Variants in SPEG observed in about 807,000 individuals in gnomAD.
SPEG encodes the protein striated muscle enriched protein kinase, also known as striated muscle preferentially expressed protein kinase.
SPEG carries 114 observed loss-of-function variants against 300.4 expected under a neutral mutation model. The observed-to-expected ratio is 0.38, with a 90% confidence interval of 0.33 to 0.44. The LOEUF is 0.44. SPEG is among the 20% of genes least tolerant of loss of function. The pLI is 1.00. For missense variants in SPEG, 4,201 were observed against 4,586.2 expected (o/e 0.92, Z 2.43); for synonymous variants, 1,964 against 2,018.9 (o/e 0.97, Z 0.73).
At chr2:219,442,050 C>T in intron 1 of SPEG, 4 of 1,183,878 alleles carry the variant, frequency 3.4e-6, no homozygotes, top group Non-Finnish European at 4.2e-6. Flanking sequence ...CCTCCCCCGC[C>T]ATGAAGAAGC....
rs1693699040 is a variant in SPEG at position 219,488,908 on chromosome 2, T to A, written c.8149+8T>A. 1.9e-6 allele frequency: 3 copies of A among 1,583,100 alleles called. No individual in the cohort carries two copies. Among genetic ancestry groups the A allele is most frequent in the Non-Finnish European group, 2.6e-6 (3 of 1,164,612 alleles). On this transcript the variant is annotated splice_region_variant and intron_variant, in intron 34 of 40. Transcript: ENST00000312358. ...TGGAGCGGCGAGTGGATGGTGAGGATGGGGCAGCTGGAGGGTTGGGGGAGC... is the reference window on the plus strand; with the variant it reads ...TGGAGCGGCGAGTGGATGGTGAGGAAGGGGCAGCTGGAGGGTTGGGGGAGC...
Position 219,448,072 on chromosome 2 carries a change from A to G in SPEG, c.914A>G (p.Lys305Arg), listed in dbSNP as rs751031254. The change falls in exon 4 of 41, where the codon AAA becomes AGA. Residue 305 changes from lysine (K) to arginine (R), a missense_variant. Transcript: ENST00000312358. ...PRRPAQPPPS[K>R]SALLPPPSPR... The stretch of plus-strand genomic sequence containing the variant: ...CGCCCTGCCCAGCCGCCTCCTTCCA[A>G]ATCCGCGCTGCTCCCCCCACCGTCC... 1.9e-6 allele frequency: 3 copies of G among 1,609,478 alleles called. No homozygotes were observed. The highest frequency in any genetic ancestry group is 1.1e-5 in the South Asian group (1 of 90,686).
intron 3 of SPEG, among the ~76,000 whole-genome samples, chr2:219,447,299 C>T (rs1449210343): frequency 6.6e-6 from 1 of 151,992 alleles, no homozygotes; most frequent in Admixed American, 6.6e-5. Flanking sequence ...AAAGGCCTAT[C>T]GGGGGGCAGA....
In SPEG at chr2:219,467,439, C is replaced by T; in HGVS notation, c.3142+5C>T. On this transcript the variant is annotated splice_donor_5th_base_variant and intron_variant, in intron 10 of 40. Coordinates refer to ENST00000312358, the MANE Select transcript of SPEG (RefSeq NM_005876.5). ...GCAAGCTCAGCACGGCCAAAGGTAA[C>T]TCCCCACTCAGGCATTGGGCTGCCG... 1.3e-6 allele frequency: 2 copies of T among 1,593,958 alleles called. No individual in the cohort carries two copies. The highest frequency in any genetic ancestry group is 1.7e-6 in the Non-Finnish European group (2 of 1,167,154).
At position 219,473,005 on chromosome 2, in the gene SPEG, G is replaced by T. The variant is rs1354231922; in HGVS notation, c.4056G>T (p.Gly1352=). The change falls in exon 16 of 41, where the codon GGG becomes GGT. Residue 1352 remains glycine (G), a synonymous_variant. Coordinates refer to ENST00000312358, the MANE Select transcript of SPEG (RefSeq NM_005876.5). The surrounding 1 kb of genome is among the most constrained non-coding windows in gnomAD (Gnocchi z 4.6). ...GGGCAGCCACAGGGCTGCGTAAGGG[G>T]GTCCAGCACATCTTCCGGGTCCTCA... The part of the protein sequence containing the change: ...PGWAATGLRK[G]VQHIFRVLST... 2.5e-6 allele frequency: 4 copies of T among 1,613,890 alleles called. No individual in the cohort carries two copies. Among genetic ancestry groups the T allele is most frequent in the Non-Finnish European group, 3.4e-6 (4 of 1,180,034 alleles).
intron 18 of SPEG, among the ~76,000 whole-genome samples, chr2:219,475,209 C>T (rs1335623213): frequency 6.6e-6 from 1 of 152,150 alleles, no homozygotes; most frequent in African/African-American, 2.4e-5. Context: ...TATGTAACCG[C>T]CACTCAGAAC....
rs750570080 is a variant in SPEG at position 219,479,911 on chromosome 2, A to C, written c.5163+51A>C. ...AGCCCCTGTGGGAGCCAGGAGGTGA[A>C]GCATCCTTCCTTGTTCATTTGGCCC... is the stretch of plus-strand genomic sequence containing the variant. On this transcript the variant is annotated intron_variant, in intron 24 of 40. Coordinates refer to ENST00000312358, the MANE Select transcript of SPEG (RefSeq NM_005876.5). The surrounding 1 kb of genome is among the most constrained non-coding windows in gnomAD (Gnocchi z 5.5). 1.8e-5 allele frequency: 29 copies of C among 1,613,954 alleles called. No individual in the cohort carries two copies. The East Asian group carries it at 5.1e-4, about 29-fold the overall frequency.
intron 6 of SPEG, chr2:219,460,492 G>A (rs1690572325): frequency 1.0e-6 from 1 of 985,458 alleles, no homozygotes; most frequent in Admixed American, 6.1e-5. Context: ...GCACAGCGCA[G>A]TGCCACCCCT....
chr2:219,461,803 C>G (rs953086447), intron 6 of SPEG, 79 bp from the exon 7 acceptor site: 1 of 1,462,038 alleles, frequency 6.8e-7, no homozygotes, highest in African/African-American at 1.4e-5. Context: ...AACTCCTGGG[C>G]TCTGGGCGAC....
chr2:219,485,186 C>G (rs1318928551), intron 30 of SPEG, 114 bp downstream of exon 30: 6 of 1,483,308 alleles, frequency 4.0e-6, no homozygotes, highest in African/African-American at 1.4e-5. Context: ...GCTGAGGCCC[C>G]GAGGGTGGAA....
Position 219,484,729 on chromosome 2 carries a change from C to G in SPEG, c.7266C>G (p.Pro2422=), listed in dbSNP as rs1693219912. The change falls in exon 30 of 41, where the codon CCC becomes CCG. Residue 2422 remains proline (P), a synonymous_variant. Transcript: ENST00000312358. Reference sequence around the variant, plus strand: ...CCCAGCGGCTGCGGCGGACCCCTCCCGCGCAGCGCCACCCGGCCTGGGAGG... The same window carrying G: ...CCCAGCGGCTGCGGCGGACCCCTCCGGCGCAGCGCCACCCGGCCTGGGAGG... The part of the protein sequence containing the change: ...SLSQRLRRTP[P]AQRHPAWEAR... The G allele has an allele frequency of 2.7e-6, 4 of 1,490,246 alleles. No individual in the cohort carries two copies. The highest frequency in any genetic ancestry group is 2.6e-5 in the South Asian group (2 of 78,242). The allele number at this position is 1,490,246 out of a possible 1,614,324, so 92.3% of individuals were successfully genotyped here. A position where few individuals can be genotyped will look rare whatever the true frequency, so the allele number is the denominator to read the frequency against.
intron 1 of SPEG, among the ~76,000 whole-genome samples, chr2:219,440,478 CGCT>C (rs1213668682): frequency 1.3e-5 from 2 of 152,006 alleles, no homozygotes; most frequent in Non-Finnish European, 2.9e-5. Context: ...GAGGGAGGTG[CGCT>C]GAGCTCAGGC....
At chr2:219,437,489 C>G (rs1394219381) in intron 1 of SPEG, among the ~76,000 whole-genome samples, 1 of 152,092 alleles carries the variant, frequency 6.6e-6, no homozygotes, top group East Asian at 1.9e-4. Flanking sequence ...GCTTGAGAGG[C>G]TTGGGGTAAG....
rs1054351694 is a variant in SPEG, at chr2:219,480,320, C to G, written c.5342+180C>G. 6.6e-6 allele frequency among the ~76,000 whole-genome samples: 1 copy of G among 152,130 alleles called. No homozygotes were observed. Among genetic ancestry groups the G allele is most frequent in the Admixed American group, 6.5e-5 (1 of 15,286 alleles). On this transcript the variant is annotated intron_variant, in intron 25 of 40. Coordinates refer to ENST00000312358, the MANE Select transcript of SPEG (RefSeq NM_005876.5). The surrounding 1 kb of genome is among the most constrained non-coding windows in gnomAD (Gnocchi z 5.3). ...TTGCCCCTTGTGAGTCAGGGCTGCC[C>G]CATTCTCTCAAGGCCTCAGCCCTGT...
Position 219,484,257 on chromosome 2 carries a change from C to T in SPEG, c.6794C>T (p.Pro2265Leu). The T allele has an allele frequency of 1.9e-6, 3 of 1,610,342 alleles. No homozygotes were observed. Among genetic ancestry groups the T allele is most frequent in the Non-Finnish European group, 2.5e-6 (3 of 1,179,756 alleles). ...SGHAQGPSQG[P>L]AAPPSEPKPH... Reference sequence around the variant, plus strand: ...CACGCCCAGGGCCCCTCGCAGGGCCCTGCCGCGCCGCCTTCAGAGCCCAAG... The same window carrying T: ...CACGCCCAGGGCCCCTCGCAGGGCCTTGCCGCGCCGCCTTCAGAGCCCAAG... The change falls in exon 30 of 41, where the codon CCT becomes CTT. Residue 2265 changes from proline (P) to leucine (L), a missense_variant. Physicochemically the swap from Pro to Leu is moderately conservative, Grantham distance 98. Around this residue, in one of 4 missense-constraint regions of SPEG, gnomAD observed 1,578 missense variants for 1,506.0 expected, o/e 1.05. Transcript: ENST00000312358.
In SPEG at chr2:219,439,928, G is replaced by T. The variant is rs1954813771; in HGVS notation, c.388+4563G>T. Among the ~76,000 whole-genome samples the T allele has an allele frequency of 6.6e-6, 1 of 152,198 alleles. No individual in the cohort carries two copies. The highest frequency in any genetic ancestry group is 1.5e-5 in the Non-Finnish European group (1 of 68,040). On this transcript the variant is annotated intron_variant, in intron 1 of 40. Transcript: ENST00000312358. This position sits in a 1 kb window ranked among gnomAD's most constrained non-coding sequence, Gnocchi z 4.5. ...GGGGTGTACATGGAAAGTGCCCATG[G>T]GTGTCCAGGGTCCTCTGGCTGGAAC...
Position 219,489,697 on chromosome 2 carries a change from A to G in SPEG, c.8679A>G (p.Pro2893=), listed in dbSNP as rs924053315. 6.2e-7 allele frequency: 1 copy of G among 1,614,062 alleles called. No homozygotes were observed. The highest frequency in any genetic ancestry group is 8.5e-7 in the Non-Finnish European group (1 of 1,179,998). Residue 2893 remains proline, a synonymous_variant, in exon 36 of 41, where the codon CCA becomes CCG. Transcript: ENST00000312358. The stretch of plus-strand genomic sequence containing the variant: ...CCTCCACTCCTCAAGGGGTTAAACC[A>G]GTGTCTTCCTCTACTCCTGTGTATG... ...IPASTPQGVK[P]VSSSTPVYVV... is the part of the protein sequence containing the mutation.
chr2:219,482,389 C>T (rs1479447619), intron 28 of SPEG: 1 of 200,400 alleles, frequency 5.0e-6, no homozygotes, highest in Non-Finnish European at 1.0e-5. Context: ...ACCAAGGCTC[C>T]AGATGTCTGG....
Position 219,489,228 on chromosome 2 carries a change from G to A in SPEG, c.8317+7G>A, listed in dbSNP as rs760908680. ...TTTGTCAGGGGTACTCAAGGTCAGT[G>A]CAATGGTATGGGGTGGGAGGAGGAA... On this transcript the variant is annotated splice_region_variant and intron_variant, in intron 35 of 40. Coordinates refer to ENST00000312358, the MANE Select transcript of SPEG (RefSeq NM_005876.5). The A allele has an allele frequency of 1.9e-6, 3 of 1,613,866 alleles. No individual in the cohort carries two copies. The South Asian group carries it at 3.3e-5, about 18-fold the overall frequency.
Sources: gnomAD v4.1 joint callset for allele counts (sites outside exome capture counted in the v4.1 genomes callset) on GRCh38, gnomAD v4.1.1 for gene constraint, gnomAD v4.1.1 regional missense constraint, Gnocchi (gnomAD v3.1) non-coding constraint, MANE v1.5 for transcripts, NCBI Gene and HGNC (gene_info 2026-07-23, HGNC 2026-07-21) for gene names.